RALGAPA2: variants seen among roughly 807,000 people sequenced by gnomAD.
The protein encoded by RALGAPA2 is Ral GTPase activating protein catalytic subunit alpha 2, also known as ral GTPase-activating protein subunit alpha-2.
RALGAPA2 carries 139 observed loss-of-function variants against 230.4 expected under a neutral mutation model. The observed-to-expected ratio is 0.60, with a 90% confidence interval of 0.53 to 0.69. RALGAPA2 has a LOEUF of 0.69. Ranked by LOEUF, RALGAPA2 falls within the 30% of genes least tolerant of loss-of-function variation. RALGAPA2 has a pLI of 0.00. For synonymous variants in RALGAPA2, 847 were observed against 837.8 expected (o/e 1.01, Z -0.19); for missense variants, 2,163 against 2,276.0 (o/e 0.95, Z 1.01).
In RALGAPA2 at chr20:20,399,997, G is replaced by A. The variant is rs542038693; in HGVS notation, c.5618-3263C>T. On this transcript the variant is annotated intron_variant, in intron 38 of 39. Coordinates refer to ENST00000202677, the MANE Select transcript of RALGAPA2 (RefSeq NM_020343.4). ...GATTTTGAGAGCTGGCATGGATGAG[G>A]GAGAGAAACAGTGGACTAGGGCTCC... Among the ~76,000 whole-genome samples, 10 of 152,324 alleles carry A rather than the reference G, an allele frequency of 6.6e-5. No individual in the cohort carries two copies. In the South Asian group the frequency reaches 1.5e-3, roughly 22 times the overall value.
At chr20:20,659,097 G>C (rs2067685798) in intron 3 of RALGAPA2, among the ~76,000 whole-genome samples, 1 of 152,318 alleles carries the variant, frequency 6.6e-6, no homozygotes, top group Admixed American at 6.5e-5. Context: ...TAAAAGAACA[G>C]AGGTCTTAGT....
chr20:20,518,683 C>T (rs1360968343), intron 31 of RALGAPA2, among the ~76,000 whole-genome samples: 6 of 152,088 alleles, frequency 3.9e-5, no homozygotes, highest in Admixed American at 6.5e-5. Context: ...AAAAATGGTG[C>T]CAGAATTTAA....
intron 23 of RALGAPA2, among the ~76,000 whole-genome samples, chr20:20,570,247 A>G (rs946655754): frequency 9.8e-5 from 15 of 152,336 alleles, no homozygotes; most frequent in Non-Finnish European, 7.4e-5. Flanking sequence ...ATTATTTCAT[A>G]TAAGAGTTCA....
intron 20 of RALGAPA2, among the ~76,000 whole-genome samples, chr20:20,578,598 T>C (rs773484639): frequency 1.3e-5 from 2 of 152,156 alleles, no homozygotes; most frequent in Non-Finnish European, 1.5e-5. Context: ...GTTGGCAAAA[T>C]AAGCATTTAA....
In RALGAPA2 at chr20:20,467,644, C is replaced by T. The variant is rs954638510; in HGVS notation, c.5495+5185G>A. Among the ~76,000 whole-genome samples, 3 of 152,256 alleles carry T rather than the reference C, an allele frequency of 2.0e-5. No individual in the cohort carries two copies. The East Asian group carries it at 5.8e-4, about 29-fold the overall frequency. Reference sequence around the variant, plus strand: ...TTTATCCACTTAGGCACTTCTCTGTCCCTTCCCATTTGAAGGAGATGTGAT... The same window carrying T: ...TTTATCCACTTAGGCACTTCTCTGTTCCTTCCCATTTGAAGGAGATGTGAT... On this transcript the variant is annotated intron_variant, in intron 37 of 39. Transcript: ENST00000202677.
intron 24 of RALGAPA2, among the ~76,000 whole-genome samples, chr20:20,545,081 T>A (rs1174899567): frequency 6.6e-6 from 1 of 152,264 alleles, no homozygotes; most frequent in South Asian, 2.1e-4. Flanking sequence ...GTAATTTTTT[T>A]GAAAGATGAT....
intron 24 of RALGAPA2, among the ~76,000 whole-genome samples, chr20:20,537,593 C>T (rs6046918): frequency 1.4e-5 from 2 of 141,366 alleles, no homozygotes; most frequent in Non-Finnish European, 3.0e-5. Context: ...GCACTCCAGC[C>T]TAGGCAACAG....
intron 34 of RALGAPA2, chr20:20,504,842 T>C (rs2062484502): frequency 3.1e-6 from 1 of 320,616 alleles, no homozygotes; most frequent in South Asian, 1.2e-4. Context: ...TTTATGTTTT[T>C]TGGGGAAAGG....
chr20:20,664,705 A>G (rs542315095), intron 3 of RALGAPA2, among the ~76,000 whole-genome samples: 14 of 152,140 alleles, frequency 9.2e-5, no homozygotes, highest in Non-Finnish European at 1.6e-4. Flanking sequence ...TTAGGGGAAA[A>G]AATCACTCCA....
intron 3 of RALGAPA2, among the ~76,000 whole-genome samples, chr20:20,664,686 T>C (rs2146699406): frequency 6.6e-6 from 1 of 152,330 alleles, no homozygotes; most frequent in East Asian, 1.9e-4. Flanking sequence ...ATCCGTTTTA[T>C]GCCATGTTTT....
intron 16 of RALGAPA2, among the ~76,000 whole-genome samples, chr20:20,594,742 TTTTTG>T (rs1441095590): frequency 6.6e-6 from 1 of 150,640 alleles, no homozygotes; most frequent in African/African-American, 2.4e-5. Context: ...TTTTTTTTTT[TTTTTG>T]AGATGGAGTC....
chr20:20,611,668 T>A (rs570852761), intron 13 of RALGAPA2, among the ~76,000 whole-genome samples: 5 of 152,172 alleles, frequency 3.3e-5, no homozygotes, highest in African/African-American at 7.2e-5. Flanking sequence ...GGATAAAACA[T>A]CATTCCAGCC....
At chr20:20,502,313 G>A (rs1444646186) in intron 35 of RALGAPA2, among the ~76,000 whole-genome samples, 6 of 152,154 alleles carry the variant, frequency 3.9e-5, no homozygotes, top group Admixed American at 2.6e-4. Flanking sequence ...GTACAGTGAG[G>A]CCAATCGGCC....
At chr20:20,457,190 G>T (rs894923331) in intron 37 of RALGAPA2, among the ~76,000 whole-genome samples, 13 of 152,198 alleles carry the variant, frequency 8.5e-5, no homozygotes, top group Non-Finnish European at 1.8e-4. Flanking sequence ...CTAAGAAAGA[G>T]AAGGAGAGGG....
intron 1 of RALGAPA2, among the ~76,000 whole-genome samples, chr20:20,699,885 G>A (rs1470363502): frequency 3.3e-5 from 5 of 152,148 alleles, no homozygotes; most frequent in African/African-American, 1.2e-4. Flanking sequence ...AGCCAATGTG[G>A]AAAGCAGTTT....
Position 20,583,248 on chromosome 20 carries a change from A to C in RALGAPA2, c.2531-22T>G, listed in dbSNP as rs6046944. On this transcript the variant is annotated intron_variant, in intron 19 of 39. Transcript: ENST00000202677. ...TCACCTGGTACAATGGAAGAACCAA[A>C]GTTTAAGATAAAAAATAGCTGAAAA... 6.3e-4 allele frequency: 991 copies of C among 1,569,186 alleles called. 7 individuals are homozygous for C. In the African/African-American group the frequency reaches 0.012, roughly 19 times the overall value.
At chr20:20,568,742 T>C (rs2064529737) in intron 23 of RALGAPA2, among the ~76,000 whole-genome samples, 1 of 152,208 alleles carries the variant, frequency 6.6e-6, no homozygotes, top group African/African-American at 2.4e-5. Flanking sequence ...CAAAGCATAA[T>C]GTTCAAAGGC....
In RALGAPA2 at chr20:20,389,649, A is replaced by G. The variant is rs1467949234; in HGVS notation, c.*3640T>C. The stretch of plus-strand genomic sequence containing the variant: ...GAAGTGCTGTGTTTCCACTTTATTA[A>G]ATCATCACAGTAAATCAGAATTAAA... On this transcript the variant is annotated 3_prime_UTR_variant, in exon 40 of 40. Transcript: ENST00000202677. 2.6e-5 allele frequency: 4 copies of G among 152,132 alleles called. No individual in the cohort carries two copies. The highest frequency in any genetic ancestry group is 2.6e-4 in the Admixed American group (4 of 15,272). 9.4% of individuals were successfully genotyped at this position (152,132 alleles called of 1,614,324 possible).
At chr20:20,555,410 TC>T (rs1402786712) in intron 23 of RALGAPA2, among the ~76,000 whole-genome samples, 1 of 152,234 alleles carries the variant, frequency 6.6e-6, no homozygotes, top group Non-Finnish European at 1.5e-5. Context: ...CAAGATTCCC[TC>T]CAATTCCATG....
Sources: gnomAD v4.1 joint callset for allele counts (sites outside exome capture counted in the v4.1 genomes callset) on GRCh38, gnomAD v4.1.1 for gene constraint, MANE v1.5 for transcripts, NCBI Gene and HGNC (gene_info 2026-07-23, HGNC 2026-07-21) for gene names.